Variants in YEATS2 observed in about 807,000 individuals in gnomAD.
The protein encoded by YEATS2 is YEATS domain-containing protein 2.
Under a neutral mutation model 163.2 loss-of-function variants are expected in YEATS2, and 77 were observed. That is an observed-to-expected ratio of 0.47 (90% CI 0.39 to 0.57). The LOEUF (loss-of-function observed/expected upper bound fraction) is 0.57. Among genes scored for constraint, YEATS2 ranks in the 20% least tolerant of loss-of-function variants. The pLI is 0.00. For synonymous variants in YEATS2, 631 were observed against 645.1 expected, an observed-to-expected ratio of 0.98 and a Z score of 0.33; for missense variants, 1,549 against 1,729.8, an observed-to-expected ratio of 0.90 and a Z score of 1.85.
chr3:183,782,270 T>G (rs1182029282), intron 19 of YEATS2, among the ~76,000 whole-genome samples: 1 of 147,280 alleles, frequency 6.8e-6, no homozygotes, highest in Non-Finnish European at 1.5e-5. Flanking sequence ...CCACCAAGCC[T>G]GGCTAATTTT....
chr3:183,809,539 A>T (rs748723147), intron 30 of YEATS2: 7 of 162,044 alleles, frequency 4.3e-5, no homozygotes, highest in Non-Finnish European at 9.4e-5. Flanking sequence ...TCATTGCAGA[A>T]CTATTATTCT....
At position 183,772,363 on chromosome 3, in the gene YEATS2, T is replaced by A. The variant is rs1223616477; in HGVS notation, c.2006T>A (p.Ile669Asn). Reference sequence around the variant, plus strand: ...TCAACAGTGAAGCAGGCTGTGGCGATCAGTGGTGGCCAGATCCTGGTAGCC... The same window carrying A: ...TCAACAGTGAAGCAGGCTGTGGCGAACAGTGGTGGCCAGATCCTGGTAGCC... ...LPSTVKQAVAISGGQILVAKA... is the reference protein window; with the variant it reads ...LPSTVKQAVANSGGQILVAKA... The change falls in exon 16 of 31, where the codon ATC becomes AAC. Residue 669 changes from isoleucine to asparagine, a missense_variant. Transcript: ENST00000305135. The A allele has an allele frequency of 1.9e-6, 3 of 1,614,202 alleles. No homozygotes were observed. Among genetic ancestry groups the A allele is most frequent in the Non-Finnish European group, 2.5e-6 (3 of 1,180,044 alleles).
chr3:183,782,730 A>G (rs1173113766), intron 19 of YEATS2, among the ~76,000 whole-genome samples: 1 of 152,086 alleles, frequency 6.6e-6, no homozygotes. Flanking sequence ...AGCCAGAGTG[A>G]TTCTATTTTT....
chr3:183,754,433 A>G, intron 11 of YEATS2, 68 bp downstream of exon 11: 1 of 1,528,216 alleles, frequency 6.5e-7, no homozygotes, highest in Non-Finnish European at 8.8e-7. Flanking sequence ...GAACAACAAA[A>G]CAAAATACTT....
chr3:183,756,835 T>C, intron 12 of YEATS2, 146 bp downstream of exon 12: 1 of 720,388 alleles, frequency 1.4e-6, no homozygotes, highest in East Asian at 3.6e-5. Context: ...AAGCCAATAC[T>C]CTTTCTCTGA....
chr3:183,773,441 T>C (rs1722673268), intron 16 of YEATS2, among the ~76,000 whole-genome samples, 192 bp from the exon 17 acceptor site: 3 of 152,240 alleles, frequency 2.0e-5, no homozygotes, highest in Non-Finnish European at 4.4e-5. Context: ...TCTTCTGGTC[T>C]ATAAATTATT....
chr3:183,703,443 C>T (rs1316950677), intron 1 of YEATS2, among the ~76,000 whole-genome samples: 3 of 152,182 alleles, frequency 2.0e-5, no homozygotes, highest in Admixed American at 2.0e-4. Flanking sequence ...TGAGTCTGTC[C>T]TTTAATAGAG....
intron 16 of YEATS2, among the ~76,000 whole-genome samples, chr3:183,773,213 T>C (rs1371473855): frequency 6.6e-6 from 1 of 152,154 alleles, no homozygotes; most frequent in Non-Finnish European, 1.5e-5. Flanking sequence ...GAGCACACAT[T>C]TGCCCTAACT....
In YEATS2 at chr3:183,730,052, G is replaced by GTTTTTTTTTTTTTTT. The variant is rs869091775; in HGVS notation, c.812+1222_812+1236dup. Among the ~76,000 whole-genome samples, 32 of 41,724 alleles carry GTTTTTTTTTTTTTTT rather than the reference G, an allele frequency of 7.7e-4. 5 individuals carry two copies. The highest frequency in any genetic ancestry group is 1.7e-3 in the African/African-American group (21 of 12,146). The allele number at this position is 41,724 out of a possible 152,430, so 27.4% of individuals were successfully genotyped here. ...ATATTAATTGTGTGGTTTTTTGTTT[G>GTTTTTTTTTTTTTTT]TTTTTTTTTTTTTTTTTTTTTTTTT... On this transcript the variant is annotated intron_variant, in intron 7 of 30. Coordinates refer to ENST00000305135, the MANE Select transcript of YEATS2 (RefSeq NM_018023.5).
intron 17 of YEATS2, among the ~76,000 whole-genome samples, chr3:183,775,510 G>A (rs750315368): frequency 6.6e-6 from 1 of 152,180 alleles, no homozygotes; most frequent in Admixed American, 6.5e-5. Flanking sequence ...CAGGAGAATC[G>A]CTTGAACCCG....
At position 183,777,494 on chromosome 3, in the gene YEATS2, G is replaced by T. The variant is rs184823359; in HGVS notation, c.2578-48G>T. ...TTTAAGGGATCAGAACAGCCCATCTGAATTTAACAAATTACCGATTAGTTC... is the reference window on the plus strand; with the variant it reads ...TTTAAGGGATCAGAACAGCCCATCTTAATTTAACAAATTACCGATTAGTTC... On this transcript the variant is annotated intron_variant, in intron 18 of 30. Coordinates refer to ENST00000305135, the MANE Select transcript of YEATS2 (RefSeq NM_018023.5). 56 of 1,596,008 alleles carry T rather than the reference G, an allele frequency of 3.5e-5. No homozygotes were observed. The East Asian group carries it at 1.2e-3, about 34-fold the overall frequency.
intron 19 of YEATS2, among the ~76,000 whole-genome samples, chr3:183,781,739 C>A (rs890453008): frequency 6.7e-6 from 1 of 150,242 alleles, no homozygotes; most frequent in African/African-American, 2.4e-5. Flanking sequence ...GACTCCGTCT[C>A]AAAAAAAAAG....
At chr3:183,771,480 CTAATTTTCA>C (rs1722448492) in intron 15 of YEATS2, among the ~76,000 whole-genome samples, 1 of 100,162 alleles carries the variant, frequency 1.0e-5, no homozygotes, top group African/African-American at 3.9e-5. Flanking sequence ...CTAGATACTT[CTAATTTTCA>C]TTATTTGGGT....
intron 1 of YEATS2, among the ~76,000 whole-genome samples, chr3:183,699,351 C>T (rs1047373037): frequency 6.6e-6 from 1 of 151,398 alleles, no homozygotes; most frequent in Non-Finnish European, 1.5e-5. Context: ...GTTATGAAGT[C>T]GGTGTGTTGA....
intron 20 of YEATS2, among the ~76,000 whole-genome samples, chr3:183,787,565 T>C (rs74527294): frequency 0.017 from 2,585 of 152,298 alleles, 82 homozygotes; most frequent in East Asian, 0.14. Flanking sequence ...ATCGTTGAAG[T>C]GTAGGAGTAC....
At chr3:183,740,920 G>A (rs534428165) in intron 8 of YEATS2, among the ~76,000 whole-genome samples, 1 of 152,104 alleles carries the variant, frequency 6.6e-6, no homozygotes, top group East Asian at 1.9e-4. Context: ...TCTTGTTAGG[G>A]GCTGGTGACT....
chr3:183,706,248 A>G (rs1049264595), intron 1 of YEATS2, among the ~76,000 whole-genome samples: 1 of 152,018 alleles, frequency 6.6e-6, no homozygotes, highest in African/African-American at 2.4e-5. Flanking sequence ...CAAAAGCTCA[A>G]AGGAAAATTG....
intron 16 of YEATS2, among the ~76,000 whole-genome samples, chr3:183,773,019 A>G (rs1031858763): frequency 2.0e-5 from 3 of 152,342 alleles, no homozygotes; most frequent in South Asian, 2.1e-4. Flanking sequence ...TGTATATGCT[A>G]TGTAAATAGT....
In YEATS2 at chr3:183,797,996, A is replaced by G. The variant is rs1479769745; in HGVS notation, c.3171A>G (p.Pro1057=). 1.9e-6 allele frequency: 3 copies of G among 1,614,038 alleles called. No individual in the cohort carries two copies. Among genetic ancestry groups the G allele is most frequent in the East Asian group, 4.5e-5 (2 of 44,874 alleles). ...TGACGATTCCCAGCCAGCTCAAACC[A>G]CTCAGCGTAAACACATCTGGAGGGG... ...AVLTIPSQLK[P]LSVNTSGGVQ... Residue 1057 remains proline (P), a synonymous_variant, in exon 22 of 31, where the codon CCA becomes CCG. Coordinates refer to ENST00000305135, the MANE Select transcript of YEATS2 (RefSeq NM_018023.5).
Sources: allele counts gnomAD v4.1 joint callset (sites outside exome capture counted in the v4.1 genomes callset), GRCh38; gene constraint gnomAD v4.1.1; transcripts MANE v1.5; gene names NCBI Gene and HGNC (gene_info 2026-07-23, HGNC 2026-07-21).